KCNK2: variants seen among roughly 807,000 people sequenced by gnomAD.
The protein encoded by KCNK2 is potassium two pore domain channel subfamily K member 2.
In KCNK2, 21 loss-of-function variants were observed where a neutral mutation model predicts 40.5. The ratio of observed to expected loss-of-function variants is 0.52; its 90% CI spans 0.37 to 0.75. The LOEUF is 0.75. KCNK2 is among the 30% of genes least tolerant of loss of function. The probability of loss-of-function intolerance (pLI) is 0.00; values close to 1 mark genes in which losing one functional copy is unlikely to be tolerated. For synonymous variants in KCNK2, 191 were observed against 202.2 expected (o/e 0.94, Z 0.47); for missense variants, 399 against 531.6 (o/e 0.75, Z 2.45).
chr1:215,187,864 AAAAG>A (rs1664511004), intron 5 of KCNK2, among the ~76,000 whole-genome samples: 2 of 151,814 alleles, frequency 1.3e-5, no homozygotes, highest in African/African-American at 4.8e-5. Context: ...AAAAAAAAAA[AAAAG>A]AGGAAAGAAA....
At chr1:215,197,395 C>A (rs766830294) in intron 6 of KCNK2, among the ~76,000 whole-genome samples, 49 of 152,214 alleles carry the variant, frequency 3.2e-4, no homozygotes, top group Middle Eastern at 3.4e-3. Flanking sequence ...GCTAGGCTTG[C>A]GGGTGGTGCC....
intron 3 of KCNK2, among the ~76,000 whole-genome samples, chr1:215,132,704 C>T (rs887224233): frequency 3.3e-5 from 5 of 152,098 alleles, no homozygotes; most frequent in South Asian, 2.1e-4. Context: ...TTATTAGTAA[C>T]GTTTGCTCCT....
intron 2 of KCNK2, among the ~76,000 whole-genome samples, chr1:215,123,593 C>G (rs948333931): frequency 1.3e-5 from 2 of 152,070 alleles, no homozygotes; most frequent in African/African-American, 4.8e-5. Flanking sequence ...TTTCATGTGC[C>G]TGTGACTTCC....
At chr1:215,036,431 A>T (rs1657387998) in intron 1 of KCNK2, among the ~76,000 whole-genome samples, 1 of 151,846 alleles carries the variant, frequency 6.6e-6, no homozygotes, top group Admixed American at 6.6e-5. Flanking sequence ...CCCCATCTTA[A>T]CATTCGCTTC....
chr1:215,021,351 TTA>T, intron 1 of KCNK2, among the ~76,000 whole-genome samples: 1 of 152,210 alleles, frequency 6.6e-6, no homozygotes, highest in African/African-American at 2.4e-5. Context: ...TGGGAAAGCA[TTA>T]TGTCTGGACA....
At chr1:215,067,889 T>C (rs1274790721) in intron 1 of KCNK2, among the ~76,000 whole-genome samples, 1 of 152,088 alleles carries the variant, frequency 6.6e-6, no homozygotes, top group Non-Finnish European at 1.5e-5. Context: ...CTTTCATATT[T>C]AATATTTCAA....
In KCNK2 at chr1:215,025,627, G is replaced by A. The variant is rs191845355; in HGVS notation, c.34+19672G>A. 1.6e-3 allele frequency among the ~76,000 whole-genome samples: 248 copies of A among 152,014 alleles called. 1 individual carries two copies. The highest frequency in any genetic ancestry group is 2.6e-3 in the Admixed American group (40 of 15,268). On this transcript the variant is annotated intron_variant, in intron 1 of 6. Coordinates refer to the KCNK2 transcript ENST00000391895. Reference sequence around the variant, plus strand: ...TGTGAGTATGTTTTTGTCATTATTTGCACTACAGAAATAAACCATATTGTA... The same window carrying A: ...TGTGAGTATGTTTTTGTCATTATTTACACTACAGAAATAAACCATATTGTA...
intron 1 of KCNK2, among the ~76,000 whole-genome samples, chr1:215,021,652 T>A (rs1330807567): frequency 6.6e-6 from 1 of 150,448 alleles, no homozygotes; most frequent in South Asian, 2.1e-4. Context: ...TTCATGCCAT[T>A]CTCCTGCCTC....
chr1:215,020,740 A>G (rs1020235721), intron 1 of KCNK2, among the ~76,000 whole-genome samples: 4 of 152,190 alleles, frequency 2.6e-5, no homozygotes, highest in Non-Finnish European at 5.9e-5. Flanking sequence ...CAGTACCTTT[A>G]GATCTCAATG....
chr1:215,032,715 G>A (rs978499000), intron 1 of KCNK2, among the ~76,000 whole-genome samples: 3 of 151,890 alleles, frequency 2.0e-5, no homozygotes, highest in African/African-American at 7.2e-5. Context: ...CTTTCTTCTT[G>A]TTTGCATGGT....
chr1:215,037,243 A>G (rs1657419826), intron 1 of KCNK2, among the ~76,000 whole-genome samples: 2 of 151,888 alleles, frequency 1.3e-5, no homozygotes, highest in South Asian at 2.1e-4. Flanking sequence ...GTGATTAAGA[A>G]TGATTGGTGA....
chr1:215,049,879 A>C (rs956372556), intron 1 of KCNK2, among the ~76,000 whole-genome samples: 1 of 152,094 alleles, frequency 6.6e-6, no homozygotes, highest in Non-Finnish European at 1.5e-5. Flanking sequence ...TCCTTCCATC[A>C]ATATCACCTT....
At chr1:215,011,610 T>A (rs1002632569) in intron 1 of KCNK2, among the ~76,000 whole-genome samples, 9 of 116,684 alleles carry the variant, frequency 7.7e-5, no homozygotes, top group Non-Finnish European at 1.7e-4. Flanking sequence ...GATTTTTTTT[T>A]ATTTTTATTT....
intron 2 of KCNK2, among the ~76,000 whole-genome samples, chr1:215,098,478 GA>G (rs987047709): frequency 1.0e-3 from 153 of 151,924 alleles, no homozygotes; most frequent in African/African-American, 3.3e-3. Context: ...CTTTCTCCTG[GA>G]TTGTGAGATT....
intron 1 of KCNK2, among the ~76,000 whole-genome samples, chr1:215,075,011 G>A (rs1443516995): frequency 1.3e-5 from 2 of 152,140 alleles, no homozygotes; most frequent in African/African-American, 4.8e-5. Context: ...GTTGGGCAAA[G>A]TTAAATATGA....
intron 1 of KCNK2, among the ~76,000 whole-genome samples, chr1:215,051,373 G>A (rs907407815): frequency 5.3e-5 from 8 of 152,156 alleles, no homozygotes; most frequent in Non-Finnish European, 1.0e-4. Flanking sequence ...ATTTTTCTCT[G>A]CTCAGACACA....
At chr1:215,010,547 T>A (rs1158701570) in intron 1 of KCNK2, among the ~76,000 whole-genome samples, 2 of 152,160 alleles carry the variant, frequency 1.3e-5, no homozygotes, top group Admixed American at 6.5e-5. Context: ...AAGGTTAGAC[T>A]AAGTGCAGCA....
chr1:215,188,750 A>G (rs1482057808), intron 5 of KCNK2, among the ~76,000 whole-genome samples: 2 of 152,140 alleles, frequency 1.3e-5, no homozygotes, highest in Non-Finnish European at 2.9e-5. Flanking sequence ...TTTAACAGAT[A>G]ACAAGGAAAG....
At chr1:215,211,012 C>T (rs554049095) in intron 6 of KCNK2, among the ~76,000 whole-genome samples, 1 of 152,230 alleles carries the variant, frequency 6.6e-6, no homozygotes, top group Admixed American at 6.5e-5. Flanking sequence ...TAGCTTTCAC[C>T]TTTGCTTTAT....
Sources: allele counts gnomAD v4.1 joint callset (sites outside exome capture counted in the v4.1 genomes callset), GRCh38; gene constraint gnomAD v4.1.1; transcripts MANE v1.5; gene names NCBI Gene and HGNC (gene_info 2026-07-23, HGNC 2026-07-21).